SMAD1: variants seen among roughly 807,000 people sequenced by gnomAD.
The protein encoded by SMAD1 is MAD, mothers against decapentaplegic homolog 1.
In SMAD1, 6 loss-of-function variants were observed where a neutral mutation model predicts 41.6. The observed-to-expected ratio is 0.14, with a 90% CI of 0.08 to 0.28. The LOEUF (loss-of-function observed/expected upper bound fraction) is 0.28, where lower values mean the gene tolerates loss of function less well. Among genes scored for constraint, SMAD1 ranks in the 10% least tolerant of loss-of-function variants. The probability of loss-of-function intolerance (pLI) is 1.00; values close to 1 mark genes in which losing one functional copy is unlikely to be tolerated. For missense variants in SMAD1, 379 were observed against 582.6 expected, an observed-to-expected ratio of 0.65 and a Z score of 3.60; for synonymous variants, 206 against 203.2, an observed-to-expected ratio of 1.01 and a Z score of -0.12.
chr4:145,492,973 A>G (rs1441178783), intron 1 of SMAD1, among the ~76,000 whole-genome samples: 1 of 152,224 alleles, frequency 6.6e-6, no homozygotes, highest in Admixed American at 6.5e-5. Flanking sequence ...TTACCTTGCC[A>G]CTAGACAGAA....
chr4:145,554,349 T>C (rs1732723520), intron 6 of SMAD1, among the ~76,000 whole-genome samples: 1 of 152,192 alleles, frequency 6.6e-6, no homozygotes, highest in African/African-American at 2.4e-5. Flanking sequence ...TAACATATAA[T>C]TTAAATACAT....
chr4:145,554,127 A>G (rs1370838154), intron 6 of SMAD1, 87 bp downstream of exon 6: 1 of 1,179,314 alleles, frequency 8.5e-7, no homozygotes, highest in East Asian at 2.4e-5. Context: ...ATGAATCTAT[A>G]TCCTCTTGAT....
At chr4:145,487,314 T>C (rs1455898546) in intron 1 of SMAD1, among the ~76,000 whole-genome samples, 5 of 152,080 alleles carry the variant, frequency 3.3e-5, no homozygotes, top group Admixed American at 1.3e-4. Context: ...AGGGAGAGAA[T>C]TGGACAGGTC....
intron 4 of SMAD1, chr4:145,546,347 G>C (rs1388956269): frequency 1.9e-5 from 4 of 209,952 alleles, no homozygotes; most frequent in Non-Finnish European, 3.9e-5. Flanking sequence ...TGTTTCTTTA[G>C]ATGGTGAGCC....
intron 1 of SMAD1, among the ~76,000 whole-genome samples, chr4:145,483,674 T>A (rs963301632): frequency 3.3e-5 from 5 of 152,322 alleles, no homozygotes; most frequent in Admixed American, 6.5e-5. Flanking sequence ...AGGTGGTGTA[T>A]CATTGGTGTA....
rs143961782 is a variant in SMAD1 at position 145,501,552 on chromosome 4, G to A, written c.-176-12886G>A. Among the ~76,000 whole-genome samples, 566 of 152,224 alleles carry A rather than the reference G, an allele frequency of 3.7e-3. 3 individuals are homozygous for A. The highest frequency in any genetic ancestry group is 0.013 in the African/African-American group (534 of 41,534). ...TCTGTCAGTTCACCCCTACAGATGT[G>A]CATGTTTGTTGTCATAAACAGCACC... On this transcript the variant is annotated intron_variant, in intron 1 of 6. Transcript: ENST00000302085.
intron 2 of SMAD1, among the ~76,000 whole-genome samples, chr4:145,523,033 A>G (rs935255382): frequency 5.9e-5 from 9 of 152,164 alleles, no homozygotes; most frequent in African/African-American, 2.2e-4. Flanking sequence ...GTCTAGTTCA[A>G]GTTTTTTTTA....
rs1182045382 is a variant in SMAD1 at position 145,558,499 on chromosome 4, C to T, written c.*565C>T. ...ATTGTATGCTGACCATACTTGCTGT[C>T]AGAATAATGCTAGGCATATGCTTTT... On this transcript the variant is annotated 3_prime_UTR_variant, in exon 7 of 7. Coordinates refer to ENST00000302085, the MANE Select transcript of SMAD1 (RefSeq NM_005900.3). Among the ~76,000 whole-genome samples, 1 of 152,054 alleles carries T rather than the reference C, an allele frequency of 6.6e-6. No homozygotes were observed. Among genetic ancestry groups the T allele is most frequent in the African/African-American group, 2.4e-5 (1 of 41,396 alleles).
In SMAD1 at chr4:145,558,223, C is replaced by T; in HGVS notation, c.*289C>T. On this transcript the variant is annotated 3_prime_UTR_variant, in exon 7 of 7. Coordinates refer to ENST00000302085, the MANE Select transcript of SMAD1 (RefSeq NM_005900.3). ...TTGTGTACAGTTAAAGGAGAGATGGCCAAGCCAGGGACAAATTGTCTATTA... is the reference window on the plus strand; with the variant it reads ...TTGTGTACAGTTAAAGGAGAGATGGTCAAGCCAGGGACAAATTGTCTATTA... 4.1e-6 allele frequency: 1 copy of T among 245,170 alleles called. No individual in the cohort carries two copies. Among genetic ancestry groups the T allele is most frequent in the Non-Finnish European group, 7.8e-6 (1 of 129,020 alleles). 15.2% of individuals were successfully genotyped at this position (245,170 alleles called of 1,614,324 possible).
In SMAD1 at chr4:145,514,317, C is replaced by T; in HGVS notation, c.-176-121C>T. On this transcript the variant is annotated intron_variant, in intron 1 of 6. Transcript: ENST00000302085. This position sits in a 1 kb window ranked among gnomAD's most constrained non-coding sequence, Gnocchi z 4.7. Reference sequence around the variant, plus strand: ...CATATGAATTTTAGGGGTCACAATTCAGTCCACAGCATACTGTATTACATA... The same window carrying T: ...CATATGAATTTTAGGGGTCACAATTTAGTCCACAGCATACTGTATTACATA... 1 of 238,698 alleles carries T rather than the reference C, an allele frequency of 4.2e-6. No individual in the cohort carries two copies. Among genetic ancestry groups the T allele is most frequent in the East Asian group, 8.3e-5 (1 of 12,062 alleles). 14.8% of individuals were successfully genotyped at this position (238,698 alleles called of 1,614,324 possible).
chr4:145,541,560 C>T (rs1303170723), intron 3 of SMAD1, among the ~76,000 whole-genome samples: 3 of 152,148 alleles, frequency 2.0e-5, no homozygotes, highest in Non-Finnish European at 4.4e-5. Context: ...CAGAGAAGGT[C>T]CCAGTAGTCC....
intron 2 of SMAD1, among the ~76,000 whole-genome samples, chr4:145,522,623 A>T (rs996757458): frequency 2.6e-5 from 4 of 152,162 alleles, no homozygotes; most frequent in African/African-American, 7.2e-5. Flanking sequence ...GGAAATCTTT[A>T]AAAAATGTCT....
intron 2 of SMAD1, among the ~76,000 whole-genome samples, chr4:145,536,992 C>A (rs537159962): frequency 6.6e-6 from 1 of 152,104 alleles, no homozygotes; most frequent in East Asian, 1.9e-4. Flanking sequence ...AATTGATAAA[C>A]AGTCTGTAAA....
At chr4:145,526,739 G>A (rs1731036542) in intron 2 of SMAD1, among the ~76,000 whole-genome samples, 1 of 152,136 alleles carries the variant, frequency 6.6e-6, no homozygotes. Context: ...AGTAAATGTG[G>A]AGTTCTTTAG....
intron 1 of SMAD1, among the ~76,000 whole-genome samples, chr4:145,501,268 G>A (rs1325170833): frequency 1.3e-5 from 2 of 152,210 alleles, no homozygotes; most frequent in East Asian, 3.8e-4. Context: ...ACTGAATTAG[G>A]AGGGAAGTGA....
At chr4:145,491,756 TCAGTTATA>T (rs1728779109) in intron 1 of SMAD1, among the ~76,000 whole-genome samples, 1 of 152,196 alleles carries the variant, frequency 6.6e-6, no homozygotes, top group South Asian at 2.1e-4. Context: ...TGAGGGGCTA[TCAGTTATA>T]CACAGTTTCT....
At chr4:145,550,096 G>C (rs577501166) in intron 5 of SMAD1, among the ~76,000 whole-genome samples, 1 of 151,992 alleles carries the variant, frequency 6.6e-6, no homozygotes, top group Non-Finnish European at 1.5e-5. Flanking sequence ...GCCCTTAGTA[G>C]TGTACTCAAA....
At chr4:145,542,792 G>T in intron 4 of SMAD1, 94 bp downstream of exon 4, 1 of 779,552 alleles carries the variant, frequency 1.3e-6, no homozygotes, top group East Asian at 2.6e-5. Flanking sequence ...TTTAAAAAGA[G>T]AGCTACTTGA....
intron 6 of SMAD1, among the ~76,000 whole-genome samples, chr4:145,556,393 T>C (rs748720296): frequency 6.6e-6 from 1 of 152,148 alleles, no homozygotes; most frequent in Non-Finnish European, 1.5e-5. Flanking sequence ...TATGTAGATA[T>C]ATATATATCT....
Sources: allele counts gnomAD v4.1 joint callset (sites outside exome capture counted in the v4.1 genomes callset), GRCh38; gene constraint gnomAD v4.1.1; non-coding constraint Gnocchi (gnomAD v3.1); transcripts MANE v1.5; gene names NCBI Gene and HGNC (gene_info 2026-07-23, HGNC 2026-07-21).